LYN: variants seen among roughly 807,000 people sequenced by gnomAD.
LYN encodes the protein LYN proto-oncogene, Src family tyrosine kinase, also known as tyrosine-protein kinase Lyn.
Under a neutral mutation model 65.0 loss-of-function variants are expected in LYN, and 12 were observed. The ratio of observed to expected loss-of-function variants is 0.18; its 90% CI spans 0.12 to 0.30. LYN has a LOEUF of 0.30. Ranked by LOEUF, LYN falls within the 10% of genes least tolerant of loss-of-function variation. The probability of loss-of-function intolerance (pLI) is 1.00; values close to 1 mark genes in which losing one functional copy is unlikely to be tolerated. For synonymous variants in LYN, 222 were observed against 221.2 expected, an observed-to-expected ratio of 1.00 and a Z score of -0.03; for missense variants, 380 against 623.2, an observed-to-expected ratio of 0.61 and a Z score of 4.16.
chr8:55,997,811 G>T (rs944053596), intron 10 of LYN, among the ~76,000 whole-genome samples: 1 of 152,284 alleles, frequency 6.6e-6, no homozygotes, highest in East Asian at 1.9e-4. Context: ...ATGGCCAGGC[G>T]CGGTGGCTCA....
intron 1 of LYN, among the ~76,000 whole-genome samples, chr8:55,902,012 TTTC>T (rs896386257): frequency 9.6e-5 from 12 of 125,246 alleles, no homozygotes; most frequent in African/African-American, 3.6e-4. Flanking sequence ...GTACCTGTAC[TTTC>T]TTTTTTTTTT....
intron 2 of LYN, 108 bp downstream of exon 2, chr8:55,942,099 C>A: frequency 8.9e-7 from 1 of 1,124,598 alleles, no homozygotes; most frequent in Non-Finnish European, 1.3e-6. Flanking sequence ...CCATTGATTA[C>A]TTGGTCCTCA....
intron 1 of LYN, among the ~76,000 whole-genome samples, chr8:55,894,763 G>A (rs1805046217): frequency 6.6e-6 from 1 of 152,120 alleles, no homozygotes; most frequent in South Asian, 2.1e-4. Flanking sequence ...TCAAACTCCT[G>A]ATCTCAGGTG....
chr8:55,926,182 T>A (rs1806105891), intron 1 of LYN, among the ~76,000 whole-genome samples: 1 of 152,206 alleles, frequency 6.6e-6, no homozygotes, highest in African/African-American at 2.4e-5. Flanking sequence ...CTCTCCCACG[T>A]AGATTTACCC....
At chr8:55,947,804 G>A (rs1806829044) in intron 4 of LYN, 81 bp downstream of exon 4, 2 of 966,064 alleles carry the variant, frequency 2.1e-6, no homozygotes, top group East Asian at 4.8e-5. Flanking sequence ...TCTTGCTTCT[G>A]GTGCTACAGC....
At chr8:55,982,609 C>T (rs1012425900) in intron 10 of LYN, among the ~76,000 whole-genome samples, 6 of 152,152 alleles carry the variant, frequency 3.9e-5, no homozygotes, top group African/African-American at 7.2e-5. Context: ...CTGTGGTCCT[C>T]GGATCCCCGA....
chr8:55,969,988 G>A (rs1043720438), intron 10 of LYN, among the ~76,000 whole-genome samples, 195 bp downstream of exon 10: 1 of 152,184 alleles, frequency 6.6e-6, no homozygotes, highest in African/African-American at 2.4e-5. Flanking sequence ...GTGTGTACGT[G>A]TTGAGTTTTG....
intron 8 of LYN, among the ~76,000 whole-genome samples, chr8:55,963,513 A>G (rs184785959): frequency 1.2e-4 from 19 of 152,314 alleles, no homozygotes; most frequent in African/African-American, 4.6e-4. Flanking sequence ...GATGCTCAGC[A>G]AAGAACACAG....
chr8:55,925,237 A>G (rs1314300483), intron 1 of LYN, among the ~76,000 whole-genome samples: 1 of 151,876 alleles, frequency 6.6e-6, no homozygotes, highest in Admixed American at 6.6e-5. Context: ...ATCCTCCCAC[A>G]TCAGCCTCTG....
chr8:55,897,726 A>T (rs1805156466), intron 1 of LYN, among the ~76,000 whole-genome samples: 1 of 152,142 alleles, frequency 6.6e-6, no homozygotes, highest in Admixed American at 6.5e-5. Context: ...ATCCTAGGCA[A>T]CATAGTGAGA....
At chr8:55,954,544 A>G (rs1807046437) in intron 8 of LYN, among the ~76,000 whole-genome samples, 1 of 152,190 alleles carries the variant, frequency 6.6e-6, no homozygotes, top group Non-Finnish European at 1.5e-5. Flanking sequence ...TTTAAAAAAA[A>G]GTTTTTATAG....
chr8:56,003,329 T>G (rs555088748), intron 12 of LYN, among the ~76,000 whole-genome samples: 1 of 152,240 alleles, frequency 6.6e-6, no homozygotes, highest in South Asian at 2.1e-4. Flanking sequence ...CCAAAGTGCT[T>G]GGATTACAGG....
chr8:55,923,341 C>G (rs541144448), intron 1 of LYN, among the ~76,000 whole-genome samples: 40 of 152,256 alleles, frequency 2.6e-4, no homozygotes, highest in African/African-American at 8.9e-4. Flanking sequence ...CCCAGCACAT[C>G]TGCTCAGTTT....
intron 1 of LYN, among the ~76,000 whole-genome samples, chr8:55,903,372 CAG>C (rs1328283090): frequency 2.0e-5 from 3 of 152,162 alleles, no homozygotes; most frequent in Non-Finnish European, 4.4e-5. Flanking sequence ...TTCAAAAGAA[CAG>C]AGAGATTCCA....
At chr8:55,925,314 C>T (rs1472856287) in intron 1 of LYN, among the ~76,000 whole-genome samples, 2 of 151,472 alleles carry the variant, frequency 1.3e-5, no homozygotes, top group African/African-American at 2.4e-5. Flanking sequence ...TTTGTAGAGA[C>T]GAGTCTCATT....
Position 55,911,098 on chromosome 8 carries a change from T to TATACACACACACAC in LYN, c.-5-30756_-5-30755insTACACACACACACA, listed in dbSNP as rs1162508957. On this transcript the variant is annotated intron_variant, in intron 1 of 12. Coordinates refer to ENST00000519728, the MANE Select transcript of LYN (RefSeq NM_002350.4). Reference sequence around the variant, plus strand: ...ATATACATACATATATATATATATATACATACACGTATATATACGTATATA... The same window carrying TATACACACACACAC: ...ATATACATACATATATATATATATATATACACACACACACACATACACGTATATATACGTATATA... Among the ~76,000 whole-genome samples the TATACACACACACAC allele has an allele frequency of 1.5e-3, 18 of 11,684 alleles. 2 individuals are homozygous for TATACACACACACAC. Among genetic ancestry groups the TATACACACACACAC allele is most frequent in the Admixed American group, 3.2e-3 (4 of 1,232 alleles). 7.7% of individuals were successfully genotyped at this position (11,684 alleles called of 152,430 possible).
chr8:56,010,220 C>T lies in LYN; in HGVS notation c.*110C>T, dbSNP rs944092652. On this transcript the variant is annotated 3_prime_UTR_variant, in exon 13 of 13. Transcript: ENST00000519728. Reference sequence around the variant, plus strand: ...TCATGTGCGGGGATCATCTGCCGTGCCTGGATCCTGAAATAGAGGCTAAAT... The same window carrying T: ...TCATGTGCGGGGATCATCTGCCGTGTCTGGATCCTGAAATAGAGGCTAAAT... 11 of 1,103,960 alleles carry T rather than the reference C, an allele frequency of 1.0e-5. No homozygotes were observed. The highest frequency in any genetic ancestry group is 1.5e-5 in the Non-Finnish European group (11 of 752,440). The allele number at this position is 1,103,960 out of a possible 1,614,324, so 68.4% of individuals were successfully genotyped here.
intron 1 of LYN, among the ~76,000 whole-genome samples, chr8:55,925,330 G>A (rs1259802438): frequency 6.6e-6 from 1 of 152,040 alleles, no homozygotes; most frequent in African/African-American, 2.4e-5. Context: ...TCATTATGTT[G>A]CCCAGGCTGG....
chr8:55,885,870 TC>T (rs1420227324), intron 1 of LYN, among the ~76,000 whole-genome samples: 1 of 150,544 alleles, frequency 6.6e-6, no homozygotes, highest in Non-Finnish European at 1.5e-5. Flanking sequence ...AGCCCCACCT[TC>T]CTTACCACCC....
Sources: gnomAD v4.1 joint callset for allele counts (sites outside exome capture counted in the v4.1 genomes callset) on GRCh38, gnomAD v4.1.1 for gene constraint, MANE v1.5 for transcripts, NCBI Gene and HGNC (gene_info 2026-07-23, HGNC 2026-07-21) for gene names.